The following COL25A1 variants were observed in gnomAD, a reference collection of about 807,000 sequenced individuals.
COL25A1 encodes the protein collagen alpha-1(XXV) chain.
Under a neutral mutation model 128.4 loss-of-function variants are expected in COL25A1, and 103 were observed. That is an observed-to-expected ratio of 0.80 (90% confidence interval 0.68 to 0.94). The LOEUF (loss-of-function observed/expected upper bound fraction) is 0.94, where lower values mean the gene tolerates loss of function less well. COL25A1 is among the 40% of genes least tolerant of loss of function. The pLI is 0.00. For missense variants in COL25A1, 745 were observed against 840.0 expected, an observed-to-expected ratio of 0.89 and a Z score of 1.40; for synonymous variants, 279 against 277.2, an observed-to-expected ratio of 1.01 and a Z score of -0.06.
At chr4:109,099,621 T>TAA (rs199518418) in intron 3 of COL25A1, among the ~76,000 whole-genome samples, 3 of 128,464 alleles carry the variant, frequency 2.3e-5, no homozygotes, top group African/African-American at 6.3e-5. Flanking sequence ...CCCAAAGTTA[T>TAA]AAAAAAAAAA....
chr4:109,104,547 C>A (rs1044957880), intron 3 of COL25A1, among the ~76,000 whole-genome samples: 6 of 151,982 alleles, frequency 3.9e-5, no homozygotes, highest in African/African-American at 1.5e-4. Context: ...CCCATTATGA[C>A]ATGGGTTTGC....
chr4:109,275,777 T>A (rs1651877297), intron 3 of COL25A1, among the ~76,000 whole-genome samples: 1 of 152,214 alleles, frequency 6.6e-6, no homozygotes, highest in Non-Finnish European at 1.5e-5. Flanking sequence ...GTAAAGTTTT[T>A]TTTAGAAGGC....
chr4:109,199,759 A>G (rs1776406211), intron 3 of COL25A1, among the ~76,000 whole-genome samples: 1 of 152,150 alleles, frequency 6.6e-6, no homozygotes, highest in Non-Finnish European at 1.5e-5. Flanking sequence ...TCATTTGGTC[A>G]ACGAAGTCAC....
intron 19 of COL25A1, among the ~76,000 whole-genome samples, chr4:108,877,950 TAAC>T (rs978290117): frequency 6.6e-6 from 1 of 152,216 alleles, no homozygotes; most frequent in African/African-American, 2.4e-5. Flanking sequence ...ACAGTTCACC[TAAC>T]ACTCTTTTGC....
intron 3 of COL25A1, among the ~76,000 whole-genome samples, chr4:109,200,359 A>G (rs1673816027): frequency 6.6e-6 from 1 of 152,156 alleles, no homozygotes; most frequent in South Asian, 2.1e-4. Context: ...TGGCAATTTT[A>G]TCAAAGAATT....
chr4:108,947,907 T>C (rs1432402417), intron 8 of COL25A1, among the ~76,000 whole-genome samples: 1 of 152,120 alleles, frequency 6.6e-6, no homozygotes, highest in Non-Finnish European at 1.5e-5. Flanking sequence ...GCAAGTCATA[T>C]TGAAAGAAAA....
chr4:109,152,095 T>TAAA (rs57253376), intron 3 of COL25A1, among the ~76,000 whole-genome samples: 4 of 142,826 alleles, frequency 2.8e-5, no homozygotes, highest in Admixed American at 6.9e-5. Flanking sequence ...GACTTTTTAA[T>TAAA]AAAAAAAAAA....
intron 5 of COL25A1, 26 bp from the exon 6 acceptor site, chr4:109,010,401 C>T (rs1429425853): frequency 2.2e-5 from 33 of 1,534,844 alleles, no homozygotes; most frequent in Non-Finnish European, 2.8e-5. Flanking sequence ...AAAAGAAAAA[C>T]AATTACAAAA....
At position 109,131,659 on chromosome 4, in the gene COL25A1, C is replaced by T. The variant is rs78087826; in HGVS notation, c.368-81480G>A. Among the ~76,000 whole-genome samples the T allele has an allele frequency of 1.1e-3, 174 of 152,272 alleles. 1 individual carries two copies. Among genetic ancestry groups the T allele is most frequent in the African/African-American group, 3.9e-3 (163 of 41,548 alleles). Reference sequence around the variant, plus strand: ...AATCTTCCCTCTCATATCTCATTATCCAGATGCAACCTATATTCAGGAGAG... The same window carrying T: ...AATCTTCCCTCTCATATCTCATTATTCAGATGCAACCTATATTCAGGAGAG... On this transcript the variant is annotated intron_variant, in intron 3 of 37. Coordinates refer to ENST00000399132, the MANE Select transcript of COL25A1 (RefSeq NM_198721.4).
intron 6 of COL25A1, among the ~76,000 whole-genome samples, chr4:108,976,432 G>C (rs1348883876): frequency 1.3e-5 from 2 of 152,098 alleles, no homozygotes. Context: ...TATTTTGTTG[G>C]GCAGCTGTCT....
chr4:109,258,770 A>G (rs1394655887), intron 3 of COL25A1, among the ~76,000 whole-genome samples: 2 of 152,128 alleles, frequency 1.3e-5, no homozygotes, highest in African/African-American at 4.8e-5. Context: ...TTATCTGATT[A>G]ATGTCATTAA....
At chr4:109,230,602 T>C (rs977166762) in intron 3 of COL25A1, among the ~76,000 whole-genome samples, 30 of 152,158 alleles carry the variant, frequency 2.0e-4, no homozygotes, top group African/African-American at 7.0e-4. Context: ...CATGAAATTG[T>C]TTAAACTGTC....
intron 6 of COL25A1, among the ~76,000 whole-genome samples, chr4:108,982,479 G>T (rs1753087548): frequency 6.6e-6 from 1 of 152,122 alleles, no homozygotes; most frequent in African/African-American, 2.4e-5. Flanking sequence ...AGTTCTTGCT[G>T]AATTGAAAGG....
intron 3 of COL25A1, among the ~76,000 whole-genome samples, chr4:109,068,579 A>G (rs2125979156): frequency 6.6e-6 from 1 of 152,322 alleles, no homozygotes; most frequent in Non-Finnish European, 1.5e-5. Flanking sequence ...ATAATCCTAT[A>G]TAGTAGTTTA....
chr4:108,915,225 T>C (rs991500809), intron 13 of COL25A1, among the ~76,000 whole-genome samples: 8 of 152,194 alleles, frequency 5.3e-5, no homozygotes, highest in Non-Finnish European at 8.8e-5. Flanking sequence ...GTGATCAAAA[T>C]GTAAAAGATA....
chr4:109,230,416 G>A (rs975087729), intron 3 of COL25A1, among the ~76,000 whole-genome samples: 4 of 152,146 alleles, frequency 2.6e-5, no homozygotes, highest in African/African-American at 9.7e-5. Context: ...CATAAACAGT[G>A]TTATTTGTAA....
At chr4:109,162,681 G>A (rs575453142) in intron 3 of COL25A1, among the ~76,000 whole-genome samples, 1 of 152,248 alleles carries the variant, frequency 6.6e-6, no homozygotes, top group East Asian at 1.9e-4. Flanking sequence ...TGACTAACAT[G>A]AATTAGATGG....
At chr4:108,855,754 G>C (rs1206584162) in intron 24 of COL25A1, among the ~76,000 whole-genome samples, 1 of 152,082 alleles carries the variant, frequency 6.6e-6, no homozygotes, top group African/African-American at 2.4e-5. Context: ...ATTGTATAAT[G>C]TTCCATCCAG....
intron 3 of COL25A1, among the ~76,000 whole-genome samples, chr4:109,295,407 T>C (rs757575733): frequency 6.6e-6 from 1 of 152,138 alleles, no homozygotes; most frequent in Non-Finnish European, 1.5e-5. Flanking sequence ...TGTTTGGCCT[T>C]ATAAGAAGAG....
Sources: gnomAD v4.1 joint callset for allele counts (sites outside exome capture counted in the v4.1 genomes callset) on GRCh38, gnomAD v4.1.1 for gene constraint, MANE v1.5 for transcripts, NCBI Gene and HGNC (gene_info 2026-07-23, HGNC 2026-07-21) for gene names.